Variants in ABCA10 observed in about 807,000 individuals in gnomAD.
ABCA10 encodes ATP-binding cassette sub-family A member 10.
A neutral mutation model predicts 187.5 loss-of-function variants in ABCA10; 169 were observed. The observed-to-expected ratio is 0.90, with a 90% CI of 0.80 to 1.02. The LOEUF is 1.02. Among genes scored for constraint, ABCA10 ranks in the 50% least tolerant of loss-of-function variants. The pLI, the probability that ABCA10 is intolerant of heterozygous loss-of-function variation, is 0.00. For synonymous variants in ABCA10, 574 were observed against 601.8 expected (o/e 0.95, Z 0.68); for missense variants, 1,727 against 1,812.4 (o/e 0.95, Z 0.86).
intron 22 of ABCA10, among the ~76,000 whole-genome samples, chr17:69,180,465 G>C: frequency 6.6e-6 from 1 of 152,020 alleles, no homozygotes; most frequent in East Asian, 1.9e-4. Context: ...TAAAGCATCT[G>C]CTGAAAAGTC....
At chr17:69,222,427 T>G (rs2074756310) in intron 4 of ABCA10, 106 bp downstream of exon 4, 4 of 946,282 alleles carry the variant, frequency 4.2e-6, no homozygotes. Context: ...GAGGGAAATG[T>G]ATATTAATTC....
chr17:69,159,484 A>C (rs148345746), intron 27 of ABCA10, among the ~76,000 whole-genome samples: 5 of 152,250 alleles, frequency 3.3e-5, no homozygotes, highest in African/African-American at 7.2e-5. Context: ...TTACAACAAG[A>C]TCCATATCTA....
Position 69,192,774 on chromosome 17 carries a change from T to TTA in ABCA10, c.1781-123_1781-122dup, listed in dbSNP as rs2074470675. The stretch of plus-strand genomic sequence containing the variant: ...TAATATCAATACAACTGTAATATCA[T>TTA]TAAGCCCCTGGGTGCAGTATCATTT... On this transcript the variant is annotated intron_variant, in intron 15 of 38. Transcript: ENST00000690296. 4.6e-6 allele frequency: 4 copies of TTA among 869,096 alleles called. 1 individual carries two copies. The South Asian group carries it at 6.7e-5, about 15-fold the overall frequency. 53.8% of individuals were successfully genotyped at this position (869,096 alleles called of 1,614,324 possible).
Position 69,152,498 on chromosome 17 carries a change from G to A in ABCA10, c.4137-17C>T, listed in dbSNP as rs749711152. The A allele has an allele frequency of 6.3e-7, 1 of 1,588,006 alleles. No individual in the cohort carries two copies. The highest frequency in any genetic ancestry group is 1.9e-5 in the Admixed American group (1 of 53,806). On this transcript the variant is annotated splice_polypyrimidine_tract_variant and intron_variant, in intron 34 of 38. Coordinates refer to ENST00000690296, the MANE Select transcript of ABCA10 (RefSeq NM_001377321.1). Reference sequence around the variant, plus strand: ...AGTATCTGCCTAAAGATAAAGTAAGGGATTGTTTGCATTTAGAAAGTAATT... The same window carrying A: ...AGTATCTGCCTAAAGATAAAGTAAGAGATTGTTTGCATTTAGAAAGTAATT...
chr17:69,225,237 C>A, intron 3 of ABCA10, 88 bp downstream of exon 3: 3 of 1,447,646 alleles, frequency 2.1e-6, no homozygotes, highest in South Asian at 1.2e-5. Flanking sequence ...ATCACTGACA[C>A]ACAGGCTAGG....
At chr17:69,182,570 C>A in intron 21 of ABCA10, 105 bp downstream of exon 21, 1 of 1,337,076 alleles carries the variant, frequency 7.5e-7, no homozygotes, top group Non-Finnish European at 9.8e-7. Context: ...TAATATGATG[C>A]CAATTTAGAA....
chr17:69,205,728 A>T (rs2074586731), intron 9 of ABCA10, among the ~76,000 whole-genome samples: 1 of 152,176 alleles, frequency 6.6e-6, no homozygotes. Context: ...TGAAAAGAAA[A>T]AGTCAAATTC....
rs1174398687 is a variant in ABCA10 at position 69,182,820 on chromosome 17, G to T, written c.2498-12C>A. On this transcript the variant is annotated splice_polypyrimidine_tract_variant and intron_variant, in intron 20 of 38. Transcript: ENST00000690296. ...TTCAATATTTGATCCTAACATAGTG[G>T]AAGGAAGGCAACAAGAAAAAAAAAA... 6.7e-7 allele frequency: 1 copy of T among 1,500,122 alleles called. No homozygotes were observed. The highest frequency in any genetic ancestry group is 1.3e-5 in the South Asian group (1 of 75,808). 92.9% of individuals were successfully genotyped at this position (1,500,122 alleles called of 1,614,324 possible).
At chr17:69,171,266 CAAT>C (rs1403554471) in intron 25 of ABCA10, among the ~76,000 whole-genome samples, 1 of 151,958 alleles carries the variant, frequency 6.6e-6, no homozygotes, top group Non-Finnish European at 1.5e-5. Flanking sequence ...AAATATAGAA[CAAT>C]AACAAGTAAC....
intron 12 of ABCA10, 41 bp downstream of exon 12, chr17:69,194,344 T>G: frequency 6.6e-7 from 1 of 1,521,016 alleles, no homozygotes; most frequent in Non-Finnish European, 9.1e-7. Flanking sequence ...ATTTACAACT[T>G]GCTTTTTCAG....
chr17:69,155,241 G>C, intron 29 of ABCA10, 105 bp from the exon 30 acceptor site: 1 of 847,608 alleles, frequency 1.2e-6, no homozygotes, highest in Admixed American at 2.6e-5. Flanking sequence ...TAAATTTAAT[G>C]CCAGGCTGAA....
chr17:69,214,699 CT>C lies in ABCA10; in HGVS notation c.1006+4del. ...AATTTAACTTTAACCACACTATTAA[CT>C]TACCAGGTAAAACTCGCTCAAAATA... On this transcript the variant is annotated splice_donor_region_variant and intron_variant, in intron 9 of 38. Transcript: ENST00000690296. 1 of 1,482,844 alleles carries C rather than the reference CT, an allele frequency of 6.7e-7. No homozygotes were observed. Among genetic ancestry groups the C allele is most frequent in the African/African-American group, 1.5e-5 (1 of 67,420 alleles). 91.9% of individuals were successfully genotyped at this position (1,482,844 alleles called of 1,614,324 possible).
intron 9 of ABCA10, among the ~76,000 whole-genome samples, chr17:69,211,027 G>A (rs1054971777): frequency 7.3e-5 from 11 of 150,814 alleles, no homozygotes; most frequent in Admixed American, 1.3e-4. Flanking sequence ...TACACTGCTC[G>A]TGGGAATGTA....
intron 17 of ABCA10, 128 bp from the exon 18 acceptor site, chr17:69,190,605 C>G: frequency 2.5e-6 from 2 of 812,464 alleles, no homozygotes; most frequent in Non-Finnish European, 3.5e-6. Flanking sequence ...TCACAATAAT[C>G]CAAGGAAACC....
intron 9 of ABCA10, among the ~76,000 whole-genome samples, chr17:69,209,939 C>G (rs1305366644): frequency 6.6e-6 from 1 of 152,096 alleles, no homozygotes; most frequent in Non-Finnish European, 1.5e-5. Context: ...TCTGTGACCA[C>G]TGTGGTGTCT....
At chr17:69,236,163 G>A (rs1379285514) in intron 1 of ABCA10, among the ~76,000 whole-genome samples, 1 of 152,174 alleles carries the variant, frequency 6.6e-6, no homozygotes, top group Non-Finnish European at 1.5e-5. Flanking sequence ...ACTTCAAAAT[G>A]TAAGCAAAGC....
chr17:69,183,613 C>T (rs72853616), intron 20 of ABCA10, among the ~76,000 whole-genome samples: 31 of 152,174 alleles, frequency 2.0e-4, no homozygotes, highest in Non-Finnish European at 3.8e-4. Flanking sequence ...GTTGAGATCA[C>T]GGGAGGATTT....
chr17:69,178,677 C>T (rs983964757), intron 22 of ABCA10, among the ~76,000 whole-genome samples: 2 of 152,134 alleles, frequency 1.3e-5, no homozygotes, highest in Non-Finnish European at 2.9e-5. Flanking sequence ...AAATTATCCT[C>T]CACAATGGGT....
At chr17:69,208,607 G>A (rs979814835) in intron 9 of ABCA10, among the ~76,000 whole-genome samples, 11 of 151,920 alleles carry the variant, frequency 7.2e-5, no homozygotes, top group African/African-American at 2.7e-4. Context: ...GGGCTTTGGG[G>A]GCTAAAGAAA....
Sources: allele counts gnomAD v4.1 joint callset (sites outside exome capture counted in the v4.1 genomes callset), GRCh38; gene constraint gnomAD v4.1.1; transcripts MANE v1.5; gene names NCBI Gene and HGNC (gene_info 2026-07-23, HGNC 2026-07-21).